The following GNA14 variants were observed in gnomAD, a reference collection of about 807,000 sequenced individuals.
GNA14 encodes the protein G protein subunit alpha 14.
Under a neutral mutation model 42.0 loss-of-function variants are expected in GNA14, and 50 were observed. The ratio of observed to expected loss-of-function variants is 1.19; its 90% CI spans 0.95 to 1.51. The LOEUF is 1.51. Ranked by LOEUF, GNA14 falls within the 40% of genes most tolerant of loss-of-function variation. GNA14 has a pLI of 0.00. For missense variants in GNA14, 473 were observed against 446.2 expected (o/e 1.06, Z -0.54); for synonymous variants, 173 against 163.1 (o/e 1.06, Z -0.46).
chr9:77,530,818 C>T (rs756608183), intron 1 of GNA14, among the ~76,000 whole-genome samples: 15 of 152,250 alleles, frequency 9.9e-5, no homozygotes, highest in Non-Finnish European at 1.5e-4. Flanking sequence ...CACACAGTCT[C>T]ACTGGCCTTG....
chr9:77,444,552 T>C (rs1202240516), intron 2 of GNA14, among the ~76,000 whole-genome samples: 1 of 152,182 alleles, frequency 6.6e-6, no homozygotes, highest in Non-Finnish European at 1.5e-5. Context: ...CTGCCCTTGC[T>C]CTTCCCTGCT....
At chr9:77,477,153 T>C (rs1266159905) in intron 2 of GNA14, among the ~76,000 whole-genome samples, 3 of 152,012 alleles carry the variant, frequency 2.0e-5, no homozygotes, top group African/African-American at 7.2e-5. Flanking sequence ...GGCCAGGAGC[T>C]CGAGACGAGC....
At chr9:77,629,838 C>T (rs1824068594) in intron 1 of GNA14, among the ~76,000 whole-genome samples, 2 of 152,104 alleles carry the variant, frequency 1.3e-5, no homozygotes, top group Non-Finnish European at 2.9e-5. Context: ...TGTAACAAAC[C>T]TGCACGTTCT....
At chr9:77,458,575 G>A (rs906831804) in intron 2 of GNA14, among the ~76,000 whole-genome samples, 2 of 152,172 alleles carry the variant, frequency 1.3e-5, no homozygotes, top group Admixed American at 6.5e-5. Flanking sequence ...TTTGGATTTC[G>A]GATAAACAAC....
chr9:77,435,167 G>A (rs1212845671), intron 2 of GNA14, among the ~76,000 whole-genome samples: 8 of 151,848 alleles, frequency 5.3e-5, no homozygotes, highest in African/African-American at 1.9e-4. Flanking sequence ...GACCAGCCTG[G>A]CCAACATGGT....
At chr9:77,541,375 C>A (rs183704463) in intron 1 of GNA14, among the ~76,000 whole-genome samples, 117 of 152,192 alleles carry the variant, frequency 7.7e-4, no homozygotes, top group Non-Finnish European at 1.4e-3. Flanking sequence ...TCTTTTCTGG[C>A]CTGTAAGGTT....
intron 2 of GNA14, among the ~76,000 whole-genome samples, chr9:77,522,064 T>A: frequency 6.6e-6 from 1 of 152,210 alleles, no homozygotes; most frequent in East Asian, 1.9e-4. Context: ...CTCGAATTCC[T>A]GACCTCAGGC....
At chr9:77,483,458 G>A (rs980195264) in intron 2 of GNA14, among the ~76,000 whole-genome samples, 3 of 152,154 alleles carry the variant, frequency 2.0e-5, no homozygotes, top group South Asian at 2.1e-4. Context: ...GTACCCGGCC[G>A]TGTGAGGTGT....
chr9:77,547,023 G>T (rs932925565), intron 1 of GNA14, among the ~76,000 whole-genome samples: 2 of 152,160 alleles, frequency 1.3e-5, no homozygotes, highest in Non-Finnish European at 2.9e-5. Context: ...ATTGGGTGTG[G>T]GGGAGGCTTT....
At chr9:77,620,459 A>G (rs540784231) in intron 1 of GNA14, among the ~76,000 whole-genome samples, 2 of 152,374 alleles carry the variant, frequency 1.3e-5, no homozygotes, top group Non-Finnish European at 2.9e-5. Context: ...AATTCCGGAC[A>G]AAATACAAAT....
chr9:77,648,062 A>G lies in GNA14; in HGVS notation c.-269T>C, dbSNP rs1317418923. On this transcript the variant is annotated 5_prime_UTR_variant, in exon 1 of 7. Transcript: ENST00000341700. ...AGCCCGCCCCACTCTCGCTCTGGGG[A>G]GGAGGAGGGCGAGTCGAGAAGTTGG... 1 of 496,158 alleles carries G rather than the reference A, an allele frequency of 2.0e-6. No individual in the cohort carries two copies. The highest frequency in any genetic ancestry group is 2.0e-5 in the African/African-American group (1 of 49,090). 30.7% of individuals were successfully genotyped at this position (496,158 alleles called of 1,614,324 possible). A position where few individuals can be genotyped will look rare whatever the true frequency, so the allele number is the denominator to read the frequency against.
At chr9:77,512,609 T>C (rs2131751503) in intron 2 of GNA14, among the ~76,000 whole-genome samples, 1 of 152,364 alleles carries the variant, frequency 6.6e-6, no homozygotes, top group South Asian at 2.1e-4. Context: ...ATTTATGTAT[T>C]CTTTATCAAA....
intron 1 of GNA14, among the ~76,000 whole-genome samples, chr9:77,609,049 CTTCAAGTTCTGGTTCCT>C (rs1823688174): frequency 6.6e-6 from 1 of 152,156 alleles, no homozygotes; most frequent in Non-Finnish European, 1.5e-5. Context: ...TTTGCCAAAT[CTTCAAGTTCTGGTTCCT>C]TTTTGCATAG....
Position 77,465,078 on chromosome 9 carries a change from G to C in GNA14, c.310-30556C>G, listed in dbSNP as rs569905585. Among the ~76,000 whole-genome samples the C allele has an allele frequency of 2.0e-4, 31 of 152,272 alleles. No homozygotes were observed. The South Asian group carries it at 6.4e-3, about 32-fold the overall frequency. ...TGGCTCTGCCAACACCTTGATTTTGGACTTCTAGCTTCCAGAACTATGAAA... is the reference window on the plus strand; with the variant it reads ...TGGCTCTGCCAACACCTTGATTTTGCACTTCTAGCTTCCAGAACTATGAAA... On this transcript the variant is annotated intron_variant, in intron 2 of 6. Transcript: ENST00000341700.
At chr9:77,435,000 G>A (rs1485868645) in intron 2 of GNA14, among the ~76,000 whole-genome samples, 2 of 147,630 alleles carry the variant, frequency 1.4e-5, no homozygotes, top group African/African-American at 5.0e-5. Context: ...CTTTAGAGAA[G>A]TGAAACACAA....
chr9:77,516,912 C>T (rs970607577), intron 2 of GNA14, among the ~76,000 whole-genome samples: 1 of 152,144 alleles, frequency 6.6e-6, no homozygotes, highest in African/African-American at 2.4e-5. Flanking sequence ...AAGTGAGGAT[C>T]GTGGTTGAAA....
At chr9:77,541,654 C>A (rs1351843060) in intron 1 of GNA14, among the ~76,000 whole-genome samples, 2 of 152,076 alleles carry the variant, frequency 1.3e-5, no homozygotes, top group Admixed American at 6.5e-5. Flanking sequence ...TCTCTCTATC[C>A]TTGAGGACAC....
At chr9:77,635,947 T>A (rs1824177926) in intron 1 of GNA14, among the ~76,000 whole-genome samples, 1 of 152,212 alleles carries the variant, frequency 6.6e-6, no homozygotes, top group Non-Finnish European at 1.5e-5. Flanking sequence ...CCATCAGTTG[T>A]ATTTCATAAA....
chr9:77,614,506 ATGAACATGTACT>A (rs1356777366), intron 1 of GNA14, among the ~76,000 whole-genome samples: 7 of 152,332 alleles, frequency 4.6e-5, no homozygotes, highest in Non-Finnish European at 1.0e-4. Flanking sequence ...CAGTGAGGCA[ATGAACATGTACT>A]TAATTCTCCA....
Sources: gnomAD v4.1 joint callset for allele counts (sites outside exome capture counted in the v4.1 genomes callset) on GRCh38, gnomAD v4.1.1 for gene constraint, MANE v1.5 for transcripts, NCBI Gene and HGNC (gene_info 2026-07-23, HGNC 2026-07-21) for gene names.